SPOCK3: variants seen among roughly 807,000 people sequenced by gnomAD.
The protein encoded by SPOCK3 is testican-3.
A neutral mutation model predicts 56.6 loss-of-function variants in SPOCK3; 30 were observed. The ratio of observed to expected loss-of-function variants is 0.53; its 90% CI spans 0.40 to 0.72. The LOEUF (loss-of-function observed/expected upper bound fraction) is 0.72, where lower values mean the gene tolerates loss of function less well. Among genes scored for constraint, SPOCK3 ranks in the 30% least tolerant of loss-of-function variants. SPOCK3 has a pLI of 0.00. For synonymous variants in SPOCK3, 196 were observed against 183.3 expected, an observed-to-expected ratio of 1.07 and a Z score of -0.56; for missense variants, 527 against 530.0, an observed-to-expected ratio of 0.99 and a Z score of 0.06.
At chr4:166,926,488 G>T (rs1247665081) in intron 4 of SPOCK3, among the ~76,000 whole-genome samples, 1 of 151,960 alleles carries the variant, frequency 6.6e-6, no homozygotes, top group Non-Finnish European at 1.5e-5. Flanking sequence ...TAATTCAATG[G>T]GAAGGTTTGA....
At chr4:167,149,523 G>C (rs1764233178) in intron 2 of SPOCK3, among the ~76,000 whole-genome samples, 1 of 152,006 alleles carries the variant, frequency 6.6e-6, no homozygotes, top group African/African-American at 2.4e-5. Context: ...AGAAAATATA[G>C]ATTCTCCTGT....
At chr4:167,222,736 A>AAC (rs1736099647) in intron 2 of SPOCK3, among the ~76,000 whole-genome samples, 1 of 131,188 alleles carries the variant, frequency 7.6e-6, no homozygotes, top group African/African-American at 2.9e-5. Flanking sequence ...TGAATATATA[A>AAC]ATATATAAAC....
At chr4:166,925,206 A>G (rs1281082456) in intron 4 of SPOCK3, among the ~76,000 whole-genome samples, 1 of 152,222 alleles carries the variant, frequency 6.6e-6, no homozygotes, top group Non-Finnish European at 1.5e-5. Flanking sequence ...ATTGAATTTC[A>G]TATAATGTAA....
chr4:167,045,881 C>A (rs1169910760), intron 3 of SPOCK3, among the ~76,000 whole-genome samples: 1 of 152,092 alleles, frequency 6.6e-6, no homozygotes, highest in Non-Finnish European at 1.5e-5. Flanking sequence ...TTTACCCTCC[C>A]TTGTTCTTTT....
intron 2 of SPOCK3, among the ~76,000 whole-genome samples, chr4:167,084,770 T>C (rs1758035459): frequency 1.2e-5 from 1 of 82,758 alleles, no homozygotes; most frequent in Admixed American, 1.5e-4. Context: ...ACACATTGAT[T>C]ATTAATAACC....
intron 2 of SPOCK3, among the ~76,000 whole-genome samples, chr4:167,121,678 A>C (rs1205510050): frequency 6.6e-6 from 1 of 152,160 alleles, no homozygotes; most frequent in African/African-American, 2.4e-5. Flanking sequence ...AAATGTTATC[A>C]GTAGGATTCA....
At chr4:167,088,815 T>A (rs1758445102) in intron 2 of SPOCK3, among the ~76,000 whole-genome samples, 1 of 152,106 alleles carries the variant, frequency 6.6e-6, no homozygotes, top group Non-Finnish European at 1.5e-5. Flanking sequence ...TATAAAAAAA[T>A]CCATTTTATA....
chr4:166,867,464 T>A (rs531959382), intron 6 of SPOCK3, among the ~76,000 whole-genome samples: 2 of 152,000 alleles, frequency 1.3e-5, no homozygotes, highest in Non-Finnish European at 2.9e-5. Flanking sequence ...ATGATTATCA[T>A]AAAACAGTCA....
chr4:167,083,376 A>G lies in SPOCK3; in HGVS notation c.190-20839T>C, dbSNP rs1757894996. On this transcript the variant is annotated intron_variant, in intron 2 of 10. Transcript: ENST00000357545. ...CTTGCTGCAGTGAATAACGAATTCA[A>G]CTTGCTCAACTCTAAGTGTCCCTGT... 6.6e-6 allele frequency: 5 copies of G among 755,260 alleles called. No homozygotes were observed. In the South Asian group the frequency reaches 6.8e-5, roughly 10 times the overall value. The allele number at this position is 755,260 out of a possible 1,614,324, so 46.8% of individuals were successfully genotyped here.
intron 5 of SPOCK3, among the ~76,000 whole-genome samples, chr4:166,900,787 G>A (rs1003589365): frequency 6.6e-6 from 1 of 152,152 alleles, no homozygotes; most frequent in African/African-American, 2.4e-5. Context: ...AAGTTTAGGA[G>A]TTGATGGAAA....
intron 6 of SPOCK3, among the ~76,000 whole-genome samples, chr4:166,812,252 T>C (rs1743909299): frequency 6.6e-6 from 1 of 151,946 alleles, no homozygotes; most frequent in Non-Finnish European, 1.5e-5. Flanking sequence ...GATGATTTTC[T>C]ATGACCCAAT....
chr4:167,202,493 C>A (rs572207034), intron 2 of SPOCK3, among the ~76,000 whole-genome samples: 15 of 152,028 alleles, frequency 9.9e-5, no homozygotes, highest in Non-Finnish European at 7.4e-5. Flanking sequence ...CTTGCTATAC[C>A]TGGGATTGGG....
At chr4:167,111,592 C>A (rs1760903690) in intron 2 of SPOCK3, among the ~76,000 whole-genome samples, 1 of 152,052 alleles carries the variant, frequency 6.6e-6, no homozygotes, top group East Asian at 1.9e-4. Context: ...AACATTAATT[C>A]ATCCTAATGT....
chr4:166,753,342 A>G (rs1579123438), intron 8 of SPOCK3, among the ~76,000 whole-genome samples: 1 of 152,110 alleles, frequency 6.6e-6, no homozygotes, highest in Non-Finnish European at 1.5e-5. Flanking sequence ...CTAGGATGTA[A>G]GTTTTTAGGA....
intron 3 of SPOCK3, among the ~76,000 whole-genome samples, chr4:167,010,129 G>A (rs1749881436): frequency 6.6e-6 from 1 of 152,030 alleles, no homozygotes; most frequent in African/African-American, 2.4e-5. Flanking sequence ...TTGTTTTCAG[G>A]GAACAACCAC....
At chr4:166,966,262 G>C (rs977635502) in intron 4 of SPOCK3, among the ~76,000 whole-genome samples, 12 of 147,212 alleles carry the variant, frequency 8.2e-5, no homozygotes, top group Non-Finnish European at 1.5e-4. Flanking sequence ...TTCCCGTCAA[G>C]TGTTTTCTTG....
intron 2 of SPOCK3, among the ~76,000 whole-genome samples, chr4:167,136,331 A>G (rs1221572963): frequency 6.6e-6 from 1 of 152,096 alleles, no homozygotes; most frequent in African/African-American, 2.4e-5. Flanking sequence ...TTTATTTTCT[A>G]GTTGTGAGAT....
At chr4:167,058,975 C>T (rs1430624109) in intron 3 of SPOCK3, among the ~76,000 whole-genome samples, 4 of 152,088 alleles carry the variant, frequency 2.6e-5, no homozygotes, top group Non-Finnish European at 5.9e-5. Flanking sequence ...TGGATCCCTT[C>T]CTTACACCTT....
At chr4:166,876,824 C>T (rs1011608972) in intron 6 of SPOCK3, among the ~76,000 whole-genome samples, 4 of 151,832 alleles carry the variant, frequency 2.6e-5, no homozygotes, top group Non-Finnish European at 5.9e-5. Flanking sequence ...GAACTTGTTG[C>T]AAAATTAAGG....
Sources: gnomAD v4.1 joint callset for allele counts (sites outside exome capture counted in the v4.1 genomes callset) on GRCh38, gnomAD v4.1.1 for gene constraint, MANE v1.5 for transcripts, NCBI Gene and HGNC (gene_info 2026-07-23, HGNC 2026-07-21) for gene names.